Variants in ARMH4 observed in about 807,000 individuals in gnomAD.
ARMH4 encodes the protein armadillo-like helical domain-containing protein 4.
A neutral mutation model predicts 61.9 loss-of-function variants in ARMH4; 49 were observed. The observed-to-expected ratio is 0.79, with a 90% CI of 0.63 to 1.00. The LOEUF (loss-of-function observed/expected upper bound fraction) is 1.00, where lower values mean the gene tolerates loss of function less well. Among genes scored for constraint, ARMH4 ranks in the 50% least tolerant of loss-of-function variants. The probability of loss-of-function intolerance (pLI) is 0.00; values close to 1 mark genes in which losing one functional copy is unlikely to be tolerated. For synonymous variants in ARMH4, 368 were observed against 341.5 expected (o/e 1.08, Z -0.85); for missense variants, 934 against 930.0 (o/e 1.00, Z -0.06).
intron 5 of ARMH4, among the ~76,000 whole-genome samples, chr14:58,067,702 T>A (rs752729711): frequency 2.0e-5 from 3 of 152,192 alleles, no homozygotes; most frequent in Non-Finnish European, 2.9e-5. Flanking sequence ...TTGCTTTGAG[T>A]ATATCCAGCT....
At chr14:58,025,436 C>A (rs67453901) in intron 5 of ARMH4, among the ~76,000 whole-genome samples, 9,681 of 152,118 alleles carry the variant, frequency 0.064, 417 homozygotes, top group African/African-American at 0.11. Context: ...AGGTGGGAAA[C>A]CTGATTGTTA....
rs537559019 is a variant in ARMH4 at position 58,001,749 on chromosome 14, A to T, written c.*2987T>A. 2 of 152,168 alleles carry T rather than the reference A, an allele frequency of 1.3e-5. No homozygotes were observed. Among genetic ancestry groups the T allele is most frequent in the African/African-American group, 4.8e-5 (2 of 41,502 alleles). 9.4% of individuals were successfully genotyped at this position (152,168 alleles called of 1,614,324 possible). A position where few individuals can be genotyped will look rare whatever the true frequency, so the allele number is the denominator to read the frequency against. On this transcript the variant is annotated 3_prime_UTR_variant, in exon 8 of 8. Transcript: ENST00000267485. ...GCTCCTTCCCTGGAGATTCTAACTC[A>T]TCAGGTCTGGGGCAAGGCCTTGAGA...
In ARMH4 at chr14:58,071,205, T is replaced by A. The variant is rs557975212; in HGVS notation, c.2089+25519A>T. ...GGTAATAATTATAATAAGGAACTTT[T>A]GCAATGACAATGATAAAAGAGGCAA... On this transcript the variant is annotated intron_variant, in intron 5 of 7. Transcript: ENST00000267485. Among the ~76,000 whole-genome samples, 3 of 151,154 alleles carry A rather than the reference T, an allele frequency of 2.0e-5. No homozygotes were observed. In the South Asian group the frequency reaches 6.3e-4, roughly 32 times the overall value.
rs75471049 is a variant in ARMH4, at chr14:58,150,453, T to A, written c.-57+1622A>T. 6.2e-3 allele frequency among the ~76,000 whole-genome samples: 950 copies of A among 152,030 alleles called. 7 individuals are homozygous for A. The highest frequency in any genetic ancestry group is 8.2e-3 in the Non-Finnish European group (559 of 67,946). On this transcript the variant is annotated intron_variant, in intron 1 of 7. Transcript: ENST00000267485. ...GCAAAGGACACCTTTAGGTGGGGAG[T>A]GGACATTTTCCACAGCAGATAAACC...
intron 2 of ARMH4, among the ~76,000 whole-genome samples, chr14:58,136,672 C>T (rs950130485): frequency 1.4e-4 from 22 of 152,272 alleles, no homozygotes; most frequent in African/African-American, 5.1e-4. Context: ...ACACGTTGTA[C>T]ATGTTCCAAA....
rs1887461436 is a variant in ARMH4 at position 58,139,560 on chromosome 14, A to C, written c.-56-146T>G. 4 of 597,412 alleles carry C rather than the reference A, an allele frequency of 6.7e-6. No homozygotes were observed. In the Admixed American group the frequency reaches 1.2e-4, roughly 18 times the overall value. The allele number at this position is 597,412 out of a possible 1,614,324, so 37.0% of individuals were successfully genotyped here. ...GGAGAGGACTGTTCTATTTCTTTGT[A>C]CCTTTGAGACATGGATAACCCAGTT... On this transcript the variant is annotated intron_variant, in intron 1 of 7. Coordinates refer to ENST00000267485, the MANE Select transcript of ARMH4 (RefSeq NM_001001872.4).
chr14:58,054,869 C>CAAAA (rs72336341), intron 5 of ARMH4, among the ~76,000 whole-genome samples: 3,516 of 103,516 alleles, frequency 0.034, 64 homozygotes, highest in Non-Finnish European at 0.046. Context: ...GACTCTGTCT[C>CAAAA]AAAAAAAAAA....
chr14:58,034,147 C>A (rs1239587067), intron 5 of ARMH4, among the ~76,000 whole-genome samples: 1 of 133,884 alleles, frequency 7.5e-6, no homozygotes, highest in East Asian at 2.1e-4. Flanking sequence ...TAAGGGCAGC[C>A]AGAGAGAAAG....
intron 5 of ARMH4, among the ~76,000 whole-genome samples, chr14:58,022,336 A>G (rs923759694): frequency 1.8e-4 from 28 of 152,058 alleles, no homozygotes; most frequent in Admixed American, 3.3e-4. Context: ...CGTTGTGATA[A>G]TCTCCCCATC....
chr14:58,118,501 C>T (rs1427776460), intron 4 of ARMH4, among the ~76,000 whole-genome samples: 5 of 4,350 alleles, frequency 1.1e-3, no homozygotes, highest in Non-Finnish European at 1.7e-3. Context: ...CTCTTCTATG[C>T]GGGGGCGGGG....
intron 5 of ARMH4, among the ~76,000 whole-genome samples, chr14:58,029,018 TA>T (rs1187763941): frequency 5.3e-5 from 8 of 152,124 alleles, no homozygotes; most frequent in African/African-American, 1.9e-4. Flanking sequence ...TATCTAGTTC[TA>T]AAATATTTTT....
intron 5 of ARMH4, among the ~76,000 whole-genome samples, chr14:58,081,869 T>C (rs943865721): frequency 6.6e-6 from 1 of 152,090 alleles, no homozygotes; most frequent in Non-Finnish European, 1.5e-5. Flanking sequence ...ATGTTGGGAT[T>C]TTTTTCTTTC....
intron 5 of ARMH4, among the ~76,000 whole-genome samples, chr14:58,044,245 C>A (rs1319544851): frequency 4.6e-5 from 7 of 152,116 alleles, no homozygotes; most frequent in Non-Finnish European, 1.0e-4. Context: ...CAAAGCAGCA[C>A]GGTACTGGTA....
intron 4 of ARMH4, among the ~76,000 whole-genome samples, chr14:58,105,235 G>C (rs1382884791): frequency 6.6e-6 from 1 of 152,216 alleles, no homozygotes; most frequent in Non-Finnish European, 1.5e-5. Context: ...TTAAAGGTTT[G>C]AGAGTAATGC....
chr14:58,143,912 T>C (rs544563012), intron 1 of ARMH4, among the ~76,000 whole-genome samples: 1 of 152,018 alleles, frequency 6.6e-6, no homozygotes, highest in East Asian at 1.9e-4. Flanking sequence ...TAGCTGGGAT[T>C]ACAGGTGCCC....
chr14:58,073,629 T>G (rs1348378760), intron 5 of ARMH4, among the ~76,000 whole-genome samples: 1 of 152,266 alleles, frequency 6.6e-6, no homozygotes, highest in Non-Finnish European at 1.5e-5. Context: ...CCTTGCAATC[T>G]ACTTTTAGAC....
intron 4 of ARMH4, among the ~76,000 whole-genome samples, chr14:58,122,402 A>C (rs1039548631): frequency 1.3e-5 from 2 of 152,334 alleles, no homozygotes; most frequent in African/African-American, 4.8e-5. Context: ...AGAGAGACTA[A>C]GGGAGGCATT....
intron 2 of ARMH4, among the ~76,000 whole-genome samples, chr14:58,137,293 A>G (rs1163326846): frequency 1.3e-5 from 2 of 152,254 alleles, no homozygotes; most frequent in African/African-American, 4.8e-5. Flanking sequence ...AAATGTCTCC[A>G]AACATTGCTA....
At chr14:58,021,682 T>C (rs938491387) in intron 5 of ARMH4, among the ~76,000 whole-genome samples, 1 of 152,000 alleles carries the variant, frequency 6.6e-6, no homozygotes, top group Non-Finnish European at 1.5e-5. Context: ...TAATCCTGGT[T>C]CCCCAACATT....
Sources: gnomAD v4.1 joint callset for allele counts (sites outside exome capture counted in the v4.1 genomes callset) on GRCh38, gnomAD v4.1.1 for gene constraint, MANE v1.5 for transcripts, NCBI Gene and HGNC (gene_info 2026-07-23, HGNC 2026-07-21) for gene names.